Variants in NXNL2 observed in about 807,000 individuals in gnomAD.
NXNL2 encodes nucleoredoxin-like protein 2.
A neutral mutation model predicts 11.1 loss-of-function variants in NXNL2; 7 were observed. The ratio of observed to expected loss-of-function variants is 0.63; its 90% confidence interval spans 0.36 to 1.18. The LOEUF is 1.18. NXNL2 is among the 50% of genes most tolerant of loss of function. The pLI, the probability that NXNL2 is intolerant of heterozygous loss-of-function variation, is 0.02. For synonymous variants in NXNL2, 109 were observed against 101.8 expected (o/e 1.07, Z -0.42); for missense variants, 233 against 217.7 (o/e 1.07, Z -0.44).
At position 88,564,315 on chromosome 9, in the gene NXNL2, ATCTATCTATCG is replaced by A. The variant is rs1160788970; in HGVS notation, c.303-6766_303-6756del. ...TATCTATCTATCTATCTATCTATCT[ATCTATCTATCG>A]TCTATTTATAGCTATCATCTATTTA... On this transcript the variant is annotated intron_variant, in intron 1 of 2. Coordinates refer to the NXNL2 transcript ENST00000375855. Among the ~76,000 whole-genome samples the A allele has an allele frequency of 2.3e-4, 34 of 147,992 alleles. No individual in the cohort carries two copies. In the South Asian group the frequency reaches 6.2e-3, roughly 27 times the overall value.
At position 88,535,209 on chromosome 9, in the gene NXNL2, C is replaced by T. The variant is rs1482687185; in HGVS notation, c.-226C>T. 5 of 554,242 alleles carry T rather than the reference C, an allele frequency of 9.0e-6. No individual in the cohort carries two copies. Among genetic ancestry groups the T allele is most frequent in the African/African-American group, 6.0e-5 (3 of 49,816 alleles). The allele number at this position is 554,242 out of a possible 1,614,324, so 34.3% of individuals were successfully genotyped here. ...GGGTGCCGCGCTGTCGCCCAGGTAT[C>T]TGGGGTCTCTGGTGTCTGAGTGTCT... On this transcript the variant is annotated 5_prime_UTR_variant, in exon 1 of 2. Transcript: ENST00000375854.
At chr9:88,546,297 G>C (rs58280782), downstream of NXNL2, among the ~76,000 whole-genome samples, 3 of 152,176 alleles carry the variant, frequency 2.0e-5, no homozygotes, top group South Asian at 6.2e-4. Context: ...GGGGTGACTA[G>C]AGGGAGAGGC....
chr9:88,578,953 T>C (rs374520984), downstream of NXNL2, among the ~76,000 whole-genome samples: 5 of 152,304 alleles, frequency 3.3e-5, no homozygotes, highest in East Asian at 9.7e-4. Context: ...CATCTTTGTC[T>C]ATGTGACAGC....
rs1182165916 is a variant in NXNL2 at position 88,544,437 on chromosome 9, A to G, written c.361A>G (p.Asn121Asp). The change falls in exon 2 of 2, where the codon AAT becomes GAT. Residue 121 changes from asparagine (N) to aspartate (D), a missense_variant. Asn to Asp is a conservative substitution (Grantham distance 23). Coordinates refer to ENST00000375854, the MANE Select transcript of NXNL2 (RefSeq NM_001161625.2). ...AIPKLVIVKQ[N>D]GEVITNKGRK... The stretch of plus-strand genomic sequence containing the variant: ...CCCCAAGCTTGTGATTGTGAAACAA[A>G]ATGGGGAGGTCATCACCAACAAAGG... 4.5e-6 allele frequency: 7 copies of G among 1,551,862 alleles called. No homozygotes were observed. The highest frequency in any genetic ancestry group is 6.1e-6 in the Non-Finnish European group (7 of 1,147,030).
chr9:88,552,364 T>TTAATTTAATGTTTG (rs1301938965), intron 1 of NXNL2, among the ~76,000 whole-genome samples: 1 of 152,194 alleles, frequency 6.6e-6, no homozygotes, highest in Admixed American at 6.5e-5. Context: ...TTGAGAAAAG[T>TTAATTTAATGTTTG]TAATTTTATG....
chr9:88,538,785 A>C (rs2118398290), intron 1 of NXNL2, among the ~76,000 whole-genome samples: 1 of 152,332 alleles, frequency 6.6e-6, no homozygotes, highest in South Asian at 2.1e-4. Flanking sequence ...AGCATTTATC[A>C]AGTACTTATT....
At chr9:88,570,561 G>A (rs1333855716) in intron 1 of NXNL2, among the ~76,000 whole-genome samples, 2 of 152,166 alleles carry the variant, frequency 1.3e-5, no homozygotes, top group African/African-American at 2.4e-5. Context: ...TTCCTCATTT[G>A]TAAAATGGAG....
At chr9:88,555,629 T>C (rs897215651) in intron 1 of NXNL2, among the ~76,000 whole-genome samples, 1 of 152,102 alleles carries the variant, frequency 6.6e-6, no homozygotes, top group Non-Finnish European at 1.5e-5. Flanking sequence ...GTGTGGAATG[T>C]AAATATACTT....
downstream of NXNL2, among the ~76,000 whole-genome samples, chr9:88,547,771 C>T (rs950957601): frequency 4.6e-5 from 7 of 152,192 alleles, no homozygotes; most frequent in Non-Finnish European, 1.0e-4. Context: ...AATCCCAGCA[C>T]TTCCGGAGGC....
At chr9:88,548,612 G>GGC (rs1210872151), downstream of NXNL2, among the ~76,000 whole-genome samples, 1 of 150,816 alleles carries the variant, frequency 6.6e-6, no homozygotes, top group Non-Finnish European at 1.5e-5. Context: ...GAGCCTGGGA[G>GGC]GCGGAGCTTG....
intron 1 of NXNL2, among the ~76,000 whole-genome samples, chr9:88,582,137 C>T (rs939949067): frequency 2.6e-5 from 4 of 152,140 alleles, no homozygotes; most frequent in Non-Finnish European, 4.4e-5. Context: ...TATATTTGTA[C>T]AAAGAAATGG....
At chr9:88,564,202 A>G (rs372015391) in intron 1 of NXNL2, among the ~76,000 whole-genome samples, 1 of 145,860 alleles carries the variant, frequency 6.9e-6, no homozygotes, top group African/African-American at 2.6e-5. Context: ...CAAGAGCGAA[A>G]CTCCATTTGA....
At chr9:88,567,716 G>A (rs1314324342) in intron 1 of NXNL2, among the ~76,000 whole-genome samples, 3 of 152,162 alleles carry the variant, frequency 2.0e-5, no homozygotes, top group African/African-American at 7.2e-5. Flanking sequence ...AATAAAATAA[G>A]ACACTAATAT....
Position 88,583,209 on chromosome 9 carries a change from C to T in NXNL2, n.552-790C>T, listed in dbSNP as rs139948232. Among the ~76,000 whole-genome samples the T allele has an allele frequency of 5.2e-3, 797 of 152,352 alleles. 7 individuals carry two copies. The highest frequency in any genetic ancestry group is 0.018 in the African/African-American group (749 of 41,578). ...CTGTGCAGCACTGTTCAAGTCTCTG[C>T]TTCTGCGGCATTTGTTACCGCTGCA... On this transcript the variant is annotated intron_variant and non_coding_transcript_variant, in intron 1 of 1. Coordinates refer to the NXNL2 transcript ENST00000478686.
At chr9:88,564,285 T>TTATCTATCTATC (rs71507766) in intron 1 of NXNL2, among the ~76,000 whole-genome samples, 150 of 140,256 alleles carry the variant, frequency 1.1e-3, no homozygotes, top group Non-Finnish European at 1.4e-3. Flanking sequence ...TATCTATCTA[T>TTATCTATCTATC]TATCTATCTA....
rs920753945 is a variant in NXNL2 at position 88,535,356 on chromosome 9, G to A, written c.-79G>A. The A allele has an allele frequency of 2.2e-6, 3 of 1,390,732 alleles. No homozygotes were observed. In the Middle Eastern group the frequency reaches 7.5e-4, roughly 347 times the overall value. 86.1% of individuals were successfully genotyped at this position (1,390,732 alleles called of 1,614,324 possible). On this transcript the variant is annotated 5_prime_UTR_variant, in exon 1 of 2. Transcript: ENST00000375854. ...GGTGCGGACAGAGGCGGGGCACCGCGGCGCTCGCCGCCGCCTCCCCGCAGG... is the reference window on the plus strand; with the variant it reads ...GGTGCGGACAGAGGCGGGGCACCGCAGCGCTCGCCGCCGCCTCCCCGCAGG...
At position 88,535,587 on chromosome 9, in the gene NXNL2, C is replaced by A. The variant is rs761171851; in HGVS notation, c.153C>A (p.Phe51Leu). The change falls in exon 1 of 2, where the codon TTC becomes TTA. Residue 51 changes from phenylalanine (F) to leucine (L), a missense_variant. By Grantham distance (22) the Phe-to-Leu change is conservative. Transcript: ENST00000375854. ...ACTTCACGCCGCTGCTCTGCGACTT[C>A]TATACGGCGCTGGTGGCCGAGGCGC... ...SRDFTPLLCD[F>L]YTALVAEARR... 1 of 1,609,692 alleles carries A rather than the reference C, an allele frequency of 6.2e-7. No homozygotes were observed. Among genetic ancestry groups the A allele is most frequent in the South Asian group, 1.1e-5 (1 of 90,960 alleles).
At chr9:88,554,649 T>C (rs544051554) in intron 1 of NXNL2, among the ~76,000 whole-genome samples, 2 of 152,338 alleles carry the variant, frequency 1.3e-5, no homozygotes, top group East Asian at 3.9e-4. Flanking sequence ...AAGGAAATCA[T>C]TTAGGAATAT....
downstream of NXNL2, among the ~76,000 whole-genome samples, chr9:88,577,306 G>A (rs1436152551): frequency 6.6e-6 from 1 of 151,812 alleles, no homozygotes; most frequent in African/African-American, 2.4e-5. Flanking sequence ...TGGGCGGGGG[G>A]GGCGGCATGA....
Sources: gnomAD v4.1 joint callset for allele counts (sites outside exome capture counted in the v4.1 genomes callset) on GRCh38, gnomAD v4.1.1 for gene constraint, MANE v1.5 for transcripts, NCBI Gene and HGNC (gene_info 2026-07-23, HGNC 2026-07-21) for gene names.